Variants in NDST4 observed in about 807,000 individuals in gnomAD.
NDST4 encodes N-deacetylase and N-sulfotransferase 4.
In NDST4, 63 loss-of-function variants were observed where a neutral mutation model predicts 100.8. The observed-to-expected ratio is 0.62, with a 90% CI of 0.51 to 0.77. The LOEUF (loss-of-function observed/expected upper bound fraction) is 0.77. Among genes scored for constraint, NDST4 ranks in the 30% least tolerant of loss-of-function variants. NDST4 has a pLI of 0.00. For synonymous variants in NDST4, 377 were observed against 361.8 expected (o/e 1.04, Z -0.48); for missense variants, 943 against 1,018.4 (o/e 0.93, Z 1.01).
intron 2 of NDST4, among the ~76,000 whole-genome samples, chr4:115,041,479 T>C (rs529387379): frequency 6.6e-6 from 1 of 152,238 alleles, no homozygotes; most frequent in African/African-American, 2.4e-5. Context: ...ATCTCAATAT[T>C]AAATATGGAT....
At chr4:114,978,965 G>C (rs1406504261) in intron 2 of NDST4, among the ~76,000 whole-genome samples, 2 of 152,094 alleles carry the variant, frequency 1.3e-5, no homozygotes, top group Non-Finnish European at 2.9e-5. Context: ...CTGGCAAGTA[G>C]CATGAGCTCA....
chr4:114,935,450 T>C lies in NDST4; in HGVS notation c.1408-116A>G, dbSNP rs766983455. The C allele has an allele frequency of 1.5e-5, 14 of 942,062 alleles. No homozygotes were observed. In the Admixed American group the frequency reaches 5.1e-4, roughly 35 times the overall value. The allele number at this position is 942,062 out of a possible 1,614,324, so 58.4% of individuals were successfully genotyped here. On this transcript the variant is annotated intron_variant, in intron 5 of 13. Coordinates refer to ENST00000264363, the MANE Select transcript of NDST4 (RefSeq NM_022569.3). ...TTTCCTATTGGATTTTCTTGGTTGCTAAGGCCAAATCTTATTATAATCACA... is the reference window on the plus strand; with the variant it reads ...TTTCCTATTGGATTTTCTTGGTTGCCAAGGCCAAATCTTATTATAATCACA...
At chr4:114,904,419 A>G (rs951701566) in intron 6 of NDST4, among the ~76,000 whole-genome samples, 1 of 151,908 alleles carries the variant, frequency 6.6e-6, no homozygotes, top group Non-Finnish European at 1.5e-5. Context: ...AATGTAATTG[A>G]TATTATTCTC....
intron 6 of NDST4, among the ~76,000 whole-genome samples, chr4:114,900,466 G>A (rs1724812789): frequency 6.6e-6 from 1 of 151,934 alleles, no homozygotes. Flanking sequence ...GTCAACAATG[G>A]ACTATGTATA....
intron 2 of NDST4, among the ~76,000 whole-genome samples, chr4:114,981,405 C>T (rs1174776802): frequency 1.3e-5 from 2 of 151,990 alleles, no homozygotes; most frequent in East Asian, 3.9e-4. Context: ...AATTCTGGGG[C>T]CCACTTCAGG....
At position 114,999,090 on chromosome 4, in the gene NDST4, T is replaced by C. The variant is rs1727227411; in HGVS notation, c.979-21816A>G. On this transcript the variant is annotated intron_variant, in intron 2 of 13. Coordinates refer to ENST00000264363, the MANE Select transcript of NDST4 (RefSeq NM_022569.3). ...CTTCTGGAGTGAATTAGGTACATGATGCATATTTGTTAATGAATGGGTGGA... is the reference window on the plus strand; with the variant it reads ...CTTCTGGAGTGAATTAGGTACATGACGCATATTTGTTAATGAATGGGTGGA... Among the ~76,000 whole-genome samples the C allele has an allele frequency of 2.0e-5, 3 of 152,124 alleles. No homozygotes were observed. In the South Asian group the frequency reaches 6.2e-4, roughly 31 times the overall value.
chr4:114,975,670 T>C lies in NDST4; in HGVS notation c.1066+1517A>G, dbSNP rs553654737. On this transcript the variant is annotated intron_variant, in intron 3 of 13. Coordinates refer to ENST00000264363, the MANE Select transcript of NDST4 (RefSeq NM_022569.3). The stretch of plus-strand genomic sequence containing the variant: ...AAAAGTAAATAAAAACTGAGGCAGT[T>C]ATCCAGATATACTTCAGCCAAAAGA... Among the ~76,000 whole-genome samples, 12 of 152,242 alleles carry C rather than the reference T, an allele frequency of 7.9e-5. No homozygotes were observed. The South Asian group carries it at 2.5e-3, about 32-fold the overall frequency.
At chr4:115,070,722 T>A (rs983709144) in intron 2 of NDST4, among the ~76,000 whole-genome samples, 19 of 152,140 alleles carry the variant, frequency 1.2e-4, no homozygotes, top group African/African-American at 3.9e-4. Flanking sequence ...AAGGCATGAA[T>A]AATTCTCCAA....
rs1729197515 is a variant in NDST4 at position 115,076,854 on chromosome 4, C to T, written c.183G>A (p.Arg61=). ...GTTTAACTGTTTTCAGCTCCATTGA[C>T]CTATATGGTAGAATTTTGATGTCAG... The part of the protein sequence containing the change: ...ECTDIKILPY[R]SMELKTVKPI... The change falls in exon 2 of 14, where the codon AGG becomes AGA. Residue 61 remains arginine (R), a synonymous_variant. Coordinates refer to ENST00000264363, the MANE Select transcript of NDST4 (RefSeq NM_022569.3). 2 of 1,613,648 alleles carry T rather than the reference C, an allele frequency of 1.2e-6. No homozygotes were observed. Among genetic ancestry groups the T allele is most frequent in the Admixed American group, 1.7e-5 (1 of 59,962 alleles).
chr4:115,084,759 T>C (rs1420521315), intron 1 of NDST4, among the ~76,000 whole-genome samples: 1 of 152,186 alleles, frequency 6.6e-6, no homozygotes, highest in Non-Finnish European at 1.5e-5. Context: ...CCTCCGCCTA[T>C]AATTCAGAGG....
At chr4:114,869,340 T>C (rs1263313157) in intron 7 of NDST4, among the ~76,000 whole-genome samples, 1 of 152,006 alleles carries the variant, frequency 6.6e-6, no homozygotes, top group East Asian at 1.9e-4. Context: ...GTCTAAAATC[T>C]TTGTTAATTT....
chr4:115,013,964 T>C (rs1339035419), intron 2 of NDST4, among the ~76,000 whole-genome samples: 1 of 152,032 alleles, frequency 6.6e-6, no homozygotes, highest in Non-Finnish European at 1.5e-5. Context: ...CTATTTGGCC[T>C]GTGCAAAAGA....
At chr4:115,052,305 C>T (rs575227834) in intron 2 of NDST4, among the ~76,000 whole-genome samples, 4 of 152,244 alleles carry the variant, frequency 2.6e-5, no homozygotes, top group African/African-American at 9.6e-5. Context: ...ACCATTTTAA[C>T]TCCTAAAACT....
At chr4:114,923,947 A>G (rs967604909) in intron 6 of NDST4, among the ~76,000 whole-genome samples, 2 of 152,004 alleles carry the variant, frequency 1.3e-5, no homozygotes, top group African/African-American at 4.8e-5. Context: ...ATTGAAAAAA[A>G]ATGCAATCTT....
At chr4:115,013,076 T>G in intron 2 of NDST4, among the ~76,000 whole-genome samples, 4 of 136,158 alleles carry the variant, frequency 2.9e-5, no homozygotes, top group African/African-American at 8.4e-5. Context: ...TGGGTGGGGG[T>G]AGGGGGAAAG....
chr4:114,935,199 T>A lies in NDST4; in HGVS notation c.1536+7A>T, dbSNP rs1725601076. 1 of 1,594,398 alleles carries A rather than the reference T, an allele frequency of 6.3e-7. No individual in the cohort carries two copies. Among genetic ancestry groups the A allele is most frequent in the African/African-American group, 1.4e-5 (1 of 73,778 alleles). ...CTTATTGTAAGGTGCATACATAGAA[T>A]ACATACTGGGTTTAGAAGGATTGTG... On this transcript the variant is annotated splice_region_variant and intron_variant, in intron 6 of 13. Coordinates refer to ENST00000264363, the MANE Select transcript of NDST4 (RefSeq NM_022569.3).
chr4:114,829,275 G>C (rs1723144388), intron 13 of NDST4, among the ~76,000 whole-genome samples: 1 of 151,930 alleles, frequency 6.6e-6, no homozygotes, highest in African/African-American at 2.4e-5. Flanking sequence ...GCCGTTTTCT[G>C]GTTTCGTTTG....
At chr4:115,100,059 A>G (rs761549603) in intron 1 of NDST4, among the ~76,000 whole-genome samples, 1 of 152,172 alleles carries the variant, frequency 6.6e-6, no homozygotes, top group Non-Finnish European at 1.5e-5. Context: ...TAATCTAATC[A>G]GAAAAGGTTA....
chr4:114,864,788 A>G (rs930952606), intron 7 of NDST4, among the ~76,000 whole-genome samples: 2 of 152,158 alleles, frequency 1.3e-5, no homozygotes, highest in African/African-American at 4.8e-5. Context: ...GCTACAAAGT[A>G]CCCTGAATTT....
Sources: gnomAD v4.1 joint callset for allele counts (sites outside exome capture counted in the v4.1 genomes callset) on GRCh38, gnomAD v4.1.1 for gene constraint, MANE v1.5 for transcripts, NCBI Gene and HGNC (gene_info 2026-07-23, HGNC 2026-07-21) for gene names.